SLC24A2: variants seen among roughly 807,000 people sequenced by gnomAD.
SLC24A2 encodes the protein solute carrier family 24 member 2, also known as sodium/potassium/calcium exchanger 2.
In SLC24A2, 36 loss-of-function variants were observed where a neutral mutation model predicts 62.0. That is an observed-to-expected ratio of 0.58 (90% confidence interval 0.44 to 0.77). SLC24A2 has a LOEUF of 0.77. Among genes scored for constraint, SLC24A2 ranks in the 30% least tolerant of loss-of-function variants. SLC24A2 has a pLI of 0.00. For synonymous variants in SLC24A2, 358 were observed against 294.0 expected (o/e 1.22, Z -2.23); for missense variants, 846 against 817.9 (o/e 1.03, Z -0.42).
chr9:19,999,908 A>G, the SLC24A2 span, among the ~76,000 whole-genome samples: 3 of 152,162 alleles, frequency 2.0e-5, no homozygotes, highest in African/African-American at 7.2e-5. Flanking sequence ...TTGCCAAGTG[A>G]CTAAAGAGCT....
chr9:20,230,148 G>C, the SLC24A2 span, among the ~76,000 whole-genome samples: 8 of 152,112 alleles, frequency 5.3e-5, no homozygotes, highest in African/African-American at 1.9e-4. Context: ...GGACATTTAG[G>C]CTAGTTCCAA....
chr9:20,098,398 A>G, the SLC24A2 span, among the ~76,000 whole-genome samples: 3 of 152,210 alleles, frequency 2.0e-5, no homozygotes, highest in Non-Finnish European at 4.4e-5. Flanking sequence ...TTTTGATTTC[A>G]AAGAAATAGA....
chr9:20,073,641 A>T, the SLC24A2 span, among the ~76,000 whole-genome samples: 2 of 152,060 alleles, frequency 1.3e-5, no homozygotes, highest in African/African-American at 4.8e-5. Context: ...CAGAGATATT[A>T]ATATGTGTAT....
chr9:19,636,286 C>CTTCTTTTCTTTTCTTTTCTT (rs1207223868), intron 2 of SLC24A2, among the ~76,000 whole-genome samples: 1,627 of 87,970 alleles, frequency 0.018, 120 homozygotes, highest in Middle Eastern at 0.032. Context: ...CTCTTCTTCT[C>CTTCTTTTCTTTTCTTTTCTT]TTCTTTTCTT....
the SLC24A2 span, among the ~76,000 whole-genome samples, chr9:19,826,521 G>A: frequency 6.6e-6 from 1 of 152,158 alleles, no homozygotes; most frequent in Non-Finnish European, 1.5e-5. Flanking sequence ...AGTTCTGGAA[G>A]CTGAAAAGTC....
the SLC24A2 span, among the ~76,000 whole-genome samples, chr9:19,898,468 C>T: frequency 9.9e-5 from 15 of 152,134 alleles, no homozygotes; most frequent in Non-Finnish European, 1.9e-4. Flanking sequence ...ATAGGCCTGG[C>T]GCGGTGGCTC....
chr9:20,048,133 C>A, the SLC24A2 span, among the ~76,000 whole-genome samples: 3 of 152,128 alleles, frequency 2.0e-5, no homozygotes, highest in Non-Finnish European at 2.9e-5. Flanking sequence ...ATGCCAGGAA[C>A]AATGCTAAGT....
chr9:19,636,322 T>TTCTTTTCTTTCCTTTTCTTTC (rs376017966), intron 2 of SLC24A2, among the ~76,000 whole-genome samples: 17 of 30,566 alleles, frequency 5.6e-4, no homozygotes, highest in African/African-American at 2.1e-3. Context: ...TTCTTTTCTT[T>TTCTTTTCTTTCCTTTTCTTTC]CTTTCTTTCT....
chr9:20,284,254 C>G, the SLC24A2 span, among the ~76,000 whole-genome samples: 1 of 151,024 alleles, frequency 6.6e-6, no homozygotes, highest in Non-Finnish European at 1.5e-5. Context: ...TTTTGTTTGT[C>G]TATATAATTC....
At chr9:19,972,499 T>A in the SLC24A2 span, among the ~76,000 whole-genome samples, 1 of 152,140 alleles carries the variant, frequency 6.6e-6, no homozygotes. Flanking sequence ...GAAAGGGACT[T>A]TTATCCTTAA....
the SLC24A2 span, among the ~76,000 whole-genome samples, chr9:20,032,035 C>T: frequency 6.6e-6 from 1 of 152,076 alleles, no homozygotes; most frequent in African/African-American, 2.4e-5. Flanking sequence ...TCGTGACTGC[C>T]CCAAGGGACT....
chr9:20,005,995 T>G, the SLC24A2 span, among the ~76,000 whole-genome samples: 1 of 151,802 alleles, frequency 6.6e-6, no homozygotes, highest in East Asian at 1.9e-4. Context: ...TGTATATATA[T>G]TCTGTCATAC....
chr9:19,915,968 C>A, the SLC24A2 span, among the ~76,000 whole-genome samples: 1 of 151,928 alleles, frequency 6.6e-6, no homozygotes, highest in Non-Finnish European at 1.5e-5. Flanking sequence ...ATTTTAAAAA[C>A]TGTTGCCTAA....
chr9:19,792,736 A>C (rs1823335074), upstream of SLC24A2, among the ~76,000 whole-genome samples: 1 of 151,936 alleles, frequency 6.6e-6, no homozygotes, highest in Non-Finnish European at 1.5e-5. Flanking sequence ...TAGCTGAGTC[A>C]GAAAGTTGTG....
chr9:20,119,915 C>A, the SLC24A2 span, among the ~76,000 whole-genome samples: 1 of 152,152 alleles, frequency 6.6e-6, no homozygotes, highest in Admixed American at 6.5e-5. Context: ...CTTAGAGGAT[C>A]GGAACAACAC....
the SLC24A2 span, among the ~76,000 whole-genome samples, chr9:20,177,700 G>T: frequency 6.6e-6 from 1 of 152,048 alleles, no homozygotes; most frequent in South Asian, 2.1e-4. Flanking sequence ...AATATAAGTA[G>T]ATTAAATAGA....
At chr9:19,654,569 A>G (rs148804471) in intron 2 of SLC24A2, among the ~76,000 whole-genome samples, 2 of 152,278 alleles carry the variant, frequency 1.3e-5, no homozygotes, top group Admixed American at 6.5e-5. Context: ...AGGTAAAGGA[A>G]TGGGGCATGG....
the SLC24A2 span, among the ~76,000 whole-genome samples, chr9:20,294,525 C>A: frequency 1.3e-4 from 20 of 152,106 alleles, no homozygotes; most frequent in Non-Finnish European, 2.5e-4. Flanking sequence ...CCTCAAAGCC[C>A]CAGTTCTTCA....
chr9:20,070,771 G>T, the SLC24A2 span, among the ~76,000 whole-genome samples: 1 of 152,320 alleles, frequency 6.6e-6, no homozygotes, highest in East Asian at 1.9e-4. Flanking sequence ...TTCAGAACAA[G>T]ATTGATTAGC....
Sources: gnomAD v4.1 joint callset for allele counts (sites outside exome capture counted in the v4.1 genomes callset) on GRCh38, gnomAD v4.1.1 for gene constraint, MANE v1.5 for transcripts, NCBI Gene and HGNC (gene_info 2026-07-23, HGNC 2026-07-21) for gene names.